EPB41L2: variants seen among roughly 807,000 people sequenced by gnomAD.
EPB41L2 encodes band 4.1-like protein 2.
Under a neutral mutation model 113.0 loss-of-function variants are expected in EPB41L2, and 43 were observed. The ratio of observed to expected loss-of-function variants is 0.38; its 90% CI spans 0.30 to 0.49. EPB41L2 has a LOEUF of 0.49. Ranked by LOEUF, EPB41L2 falls within the 20% of genes least tolerant of loss-of-function variation. The pLI, the probability that EPB41L2 is intolerant of heterozygous loss-of-function variation, is 0.95. For missense variants in EPB41L2, 1,147 were observed against 1,223.4 expected, an observed-to-expected ratio of 0.94 and a Z score of 0.93; for synonymous variants, 442 against 436.7, an observed-to-expected ratio of 1.01 and a Z score of -0.15.
At chr6:130,976,953 C>T (rs1368394664) in intron 1 of EPB41L2, among the ~76,000 whole-genome samples, 3 of 152,176 alleles carry the variant, frequency 2.0e-5, no homozygotes, top group Admixed American at 1.3e-4. Flanking sequence ...ATAAACAAAT[C>T]ATTACACCAT....
chr6:130,934,412 A>G (rs1808050700), intron 3 of EPB41L2, among the ~76,000 whole-genome samples: 1 of 152,190 alleles, frequency 6.6e-6, no homozygotes, highest in Non-Finnish European at 1.5e-5. Context: ...GATACATATT[A>G]TATATAATAT....
chr6:130,955,409 T>C (rs1206307251), intron 2 of EPB41L2, 92 bp from the exon 3 acceptor site: 2 of 1,229,664 alleles, frequency 1.6e-6, no homozygotes, highest in Non-Finnish European at 2.3e-6. Context: ...AGAATTAGGA[T>C]CGTTACTTTA....
Position 130,870,114 on chromosome 6 carries a change from T to A in EPB41L2, c.2056A>T (p.Thr686Ser). The A allele has an allele frequency of 6.2e-7, 1 of 1,609,900 alleles. No homozygotes were observed. The highest frequency in any genetic ancestry group is 8.5e-7 in the Non-Finnish European group (1 of 1,177,424). The change falls in exon 15 of 20, where the codon ACT becomes TCT. Residue 686 changes from threonine (T) to serine (S), a missense_variant. Thr to Ser is a moderately conservative substitution (Grantham distance 58). Transcript: ENST00000337057. ...SLQTQGSSHETLNIVEEKKRA... is the reference protein window; with the variant it reads ...SLQTQGSSHESLNIVEEKKRA... ...TTCTTCTCCTCCACTATATTCAGAG[T>A]CTCATGTGAACTCTGTACAAAAAAA... is the stretch of plus-strand genomic sequence containing the variant.
At chr6:130,923,239 G>A (rs1288546085) in intron 4 of EPB41L2, among the ~76,000 whole-genome samples, 1 of 151,852 alleles carries the variant, frequency 6.6e-6, no homozygotes, top group Non-Finnish European at 1.5e-5. Context: ...TTGTGCTTTG[G>A]GTGTACAGCC....
At chr6:131,033,499 A>G (rs1315823180) in intron 1 of EPB41L2, among the ~76,000 whole-genome samples, 2 of 152,066 alleles carry the variant, frequency 1.3e-5, no homozygotes, top group Non-Finnish European at 2.9e-5. Flanking sequence ...ACCAATGTTC[A>G]TAACAGCATT....
chr6:130,842,990 T>A (rs1775975552), intron 19 of EPB41L2, among the ~76,000 whole-genome samples: 1 of 147,116 alleles, frequency 6.8e-6, no homozygotes, highest in Admixed American at 6.9e-5. Context: ...ATTTTCTCAT[T>A]CTTTAAAAAT....
At chr6:130,995,060 G>T (rs1782759550) in intron 1 of EPB41L2, among the ~76,000 whole-genome samples, 1 of 152,222 alleles carries the variant, frequency 6.6e-6, no homozygotes, top group African/African-American at 2.4e-5. Context: ...AGGCCGGCCA[G>T]GCGTGGTGGC....
intron 13 of EPB41L2, 33 bp downstream of exon 13, chr6:130,880,111 T>C: frequency 6.5e-7 from 1 of 1,533,608 alleles, no homozygotes; most frequent in Non-Finnish European, 9.0e-7. Flanking sequence ...GGGCAGCCAT[T>C]AGGACAGAGT....
At chr6:131,044,142 C>G (rs918578758) in intron 1 of EPB41L2, among the ~76,000 whole-genome samples, 2 of 151,096 alleles carry the variant, frequency 1.3e-5, no homozygotes, top group African/African-American at 4.9e-5. Flanking sequence ...CCACCTTAGC[C>G]TCCCAAGTAG....
At chr6:131,043,775 T>C (rs1485962272) in intron 1 of EPB41L2, among the ~76,000 whole-genome samples, 1 of 152,188 alleles carries the variant, frequency 6.6e-6, no homozygotes, top group Non-Finnish European at 1.5e-5. Context: ...ATTTAGTTAT[T>C]ATAATGGTAT....
At chr6:130,942,437 A>C (rs950024312) in intron 3 of EPB41L2, among the ~76,000 whole-genome samples, 1 of 152,246 alleles carries the variant, frequency 6.6e-6, no homozygotes, top group African/African-American at 2.4e-5. Flanking sequence ...AATAGAAAAG[A>C]AATCAAAGAC....
chr6:130,844,085 T>A (rs956170282), intron 19 of EPB41L2, among the ~76,000 whole-genome samples: 4 of 152,224 alleles, frequency 2.6e-5, no homozygotes, highest in African/African-American at 9.6e-5. Context: ...ATACTAGCAA[T>A]GCTGCCTTTA....
chr6:130,843,121 T>C (rs926961538), intron 19 of EPB41L2, among the ~76,000 whole-genome samples: 1 of 152,252 alleles, frequency 6.6e-6, no homozygotes, highest in Non-Finnish European at 1.5e-5. Flanking sequence ...TATCCACTTA[T>C]CTTTTTTGAC....
At chr6:130,940,430 G>A (rs1032189672) in intron 3 of EPB41L2, among the ~76,000 whole-genome samples, 1 of 151,796 alleles carries the variant, frequency 6.6e-6, no homozygotes, top group African/African-American at 2.4e-5. Context: ...TAATAGGTTA[G>A]GTTAGGGTAT....
chr6:130,955,174 G>C lies in EPB41L2; in HGVS notation c.636C>G (p.Thr212=). Residue 212 remains threonine (T), a synonymous_variant, in exon 3 of 20, where the codon ACC becomes ACG. Transcript: ENST00000337057. ...TACACTGGACAGTTTTGGTCTTCTT[G>C]GTGACTTTTTGAGATGCCTTCTCTG... is the stretch of plus-strand genomic sequence containing the variant. ...LKAEKASQKV[T]KKTKTVQCKV... The C allele has an allele frequency of 6.2e-7, 1 of 1,614,078 alleles. No individual in the cohort carries two copies. Among genetic ancestry groups the C allele is most frequent in the Non-Finnish European group, 8.5e-7 (1 of 1,180,008 alleles).
chr6:130,931,653 G>A (rs1198422532), intron 3 of EPB41L2, among the ~76,000 whole-genome samples: 1 of 152,046 alleles, frequency 6.6e-6, no homozygotes, highest in Non-Finnish European at 1.5e-5. Context: ...TCTTCACACT[G>A]TTCACAACAC....
chr6:130,911,940 A>G (rs910198121), intron 4 of EPB41L2, among the ~76,000 whole-genome samples: 1 of 152,140 alleles, frequency 6.6e-6, no homozygotes. Flanking sequence ...ATCGTGGCCT[A>G]TTAGGAACTG....
intron 3 of EPB41L2, among the ~76,000 whole-genome samples, chr6:130,943,056 T>C (rs1811445915): frequency 6.6e-6 from 1 of 152,218 alleles, no homozygotes; most frequent in African/African-American, 2.4e-5. Context: ...GCAATAAACA[T>C]ACATGTGCAT....
At position 130,878,155 on chromosome 6, in the gene EPB41L2, A is replaced by T. The variant is rs780342457; in HGVS notation, c.1992T>A (p.Pro664=). The T allele has an allele frequency of 6.2e-7, 1 of 1,613,556 alleles. No individual in the cohort carries two copies. ...TGATACGTCGTTTTTCCCATTCATT[A>T]GGGCGCGGCTCAGGTGTGGATTCCA... ...NFMESTPEPR[P]NEWEKRRITP... is the part of the protein sequence containing the mutation. Residue 664 remains proline, a synonymous_variant, in exon 14 of 20, where the codon CCT becomes CCA. Transcript: ENST00000337057.
Sources: allele counts gnomAD v4.1 joint callset (sites outside exome capture counted in the v4.1 genomes callset), GRCh38; gene constraint gnomAD v4.1.1; transcripts MANE v1.5; gene names NCBI Gene and HGNC (gene_info 2026-07-23, HGNC 2026-07-21).